Variants in CPEB3 observed in about 807,000 individuals in gnomAD.
CPEB3 encodes the protein cytoplasmic polyadenylation element-binding protein 3.
CPEB3 carries 20 observed loss-of-function variants against 67.2 expected under a neutral mutation model. The observed-to-expected ratio is 0.30, with a 90% CI of 0.21 to 0.43. CPEB3 has a LOEUF of 0.43. CPEB3 is among the 20% of genes least tolerant of loss of function. The pLI, the probability that CPEB3 is intolerant of heterozygous loss-of-function variation, is 1.00. For synonymous variants in CPEB3, 376 were observed against 393.1 expected (o/e 0.96, Z 0.51); for missense variants, 746 against 968.6 (o/e 0.77, Z 3.05).
At position 92,289,812 on chromosome 10, in the gene CPEB3, A is replaced by G. The variant is rs1842750631; in HGVS notation, c.-12+1114T>C. On this transcript the variant is annotated intron_variant, in intron 1 of 9. Transcript: ENST00000265997. ...ATTATATATTATAAATGTATTATAT[A>G]TTATATAATACATATATATTATATA... is the stretch of plus-strand genomic sequence containing the variant. Among the ~76,000 whole-genome samples the G allele has an allele frequency of 2.9e-5, 4 of 139,888 alleles. No individual in the cohort carries two copies. The South Asian group carries it at 8.6e-4, about 30-fold the overall frequency. 91.8% of individuals were successfully genotyped at this position (139,888 alleles called of 152,430 possible). A position where few individuals can be genotyped will look rare whatever the true frequency, so the allele number is the denominator to read the frequency against.
intron 2 of CPEB3, among the ~76,000 whole-genome samples, chr10:92,230,674 A>G (rs1371489857): frequency 6.6e-6 from 1 of 152,204 alleles, no homozygotes; most frequent in Non-Finnish European, 1.5e-5. Context: ...GGGTGTGAAA[A>G]CTAAATGTAG....
At chr10:92,052,531 A>G in intron 9 of CPEB3, 92 bp from the exon 10 acceptor site, 1 of 1,081,654 alleles carries the variant, frequency 9.2e-7, no homozygotes, top group Admixed American at 1.9e-5. Flanking sequence ...GCTTCAACGT[A>G]TGTCTCAATC....
chr10:92,133,468 G>C (rs1401195238), intron 6 of CPEB3, among the ~76,000 whole-genome samples: 1 of 152,170 alleles, frequency 6.6e-6, no homozygotes, highest in African/African-American at 2.4e-5. Flanking sequence ...GACTAAACCA[G>C]GAAGAAGCTG....
Position 92,259,796 on chromosome 10 carries a change from T to G in CPEB3, c.-11-19435A>C, listed in dbSNP as rs1365426299. ...ATCTTGCATAGAGCTTAGTAACAATTGCAGCTAACGTTTATGTGGCAAATA... is the reference window on the plus strand; with the variant it reads ...ATCTTGCATAGAGCTTAGTAACAATGGCAGCTAACGTTTATGTGGCAAATA... On this transcript the variant is annotated intron_variant, in intron 1 of 9. Transcript: ENST00000265997. Among the ~76,000 whole-genome samples the G allele has an allele frequency of 2.0e-5, 3 of 152,198 alleles. No individual in the cohort carries two copies. In the South Asian group the frequency reaches 6.2e-4, roughly 31 times the overall value.
chr10:92,129,756 T>A (rs1845758695), intron 6 of CPEB3, among the ~76,000 whole-genome samples: 1 of 152,048 alleles, frequency 6.6e-6, no homozygotes, highest in South Asian at 2.1e-4. Context: ...CCTCACAACA[T>A]CCCTGTTGCG....
At chr10:92,058,584 C>T (rs1252075707) in intron 9 of CPEB3, among the ~76,000 whole-genome samples, 1 of 122,568 alleles carries the variant, frequency 8.2e-6, no homozygotes, top group Non-Finnish European at 1.8e-5. Context: ...TACATACATA[C>T]ATACATACAT....
chr10:92,129,021 T>C (rs1346925641), intron 6 of CPEB3, among the ~76,000 whole-genome samples: 5 of 152,204 alleles, frequency 3.3e-5, no homozygotes, highest in African/African-American at 1.2e-4. Flanking sequence ...AATCGTTCTA[T>C]CATAAAGACA....
chr10:92,273,535 T>C (rs1853392552), intron 1 of CPEB3, among the ~76,000 whole-genome samples: 1 of 152,168 alleles, frequency 6.6e-6, no homozygotes, highest in South Asian at 2.1e-4. Context: ...ATACCCATTC[T>C]CTAAAAAAGG....
chr10:92,158,684 A>T (rs1032596753), intron 4 of CPEB3, among the ~76,000 whole-genome samples: 4 of 152,220 alleles, frequency 2.6e-5, no homozygotes, highest in African/African-American at 9.6e-5. Flanking sequence ...GGGGAATGTA[A>T]TATCTTTTTG....
intron 4 of CPEB3, among the ~76,000 whole-genome samples, chr10:92,173,241 C>T (rs2134032339): frequency 6.6e-6 from 1 of 152,230 alleles, no homozygotes; most frequent in Admixed American, 6.5e-5. Flanking sequence ...GTGGAGAAAA[C>T]AGGGAAGTCC....
At chr10:92,151,484 C>A (rs55644232) in intron 4 of CPEB3, among the ~76,000 whole-genome samples, 42 of 152,152 alleles carry the variant, frequency 2.8e-4, no homozygotes, top group Non-Finnish European at 5.7e-4. Context: ...AAACATTTCA[C>A]TTATGGTCTC....
chr10:92,078,646 T>G (rs1161736342), intron 9 of CPEB3, among the ~76,000 whole-genome samples: 1 of 152,208 alleles, frequency 6.6e-6, no homozygotes, highest in Non-Finnish European at 1.5e-5. Flanking sequence ...AACCCAATTA[T>G]AGCAAGCAGA....
At chr10:92,144,886 G>C in intron 5 of CPEB3, 59 bp downstream of exon 5, 1 of 1,509,978 alleles carries the variant, frequency 6.6e-7, no homozygotes, top group South Asian at 1.1e-5. Flanking sequence ...GAGAGGCAGG[G>C]TCAGAACACA....
At chr10:92,139,006 G>C (rs559471283) in intron 6 of CPEB3, among the ~76,000 whole-genome samples, 4 of 152,146 alleles carry the variant, frequency 2.6e-5, no homozygotes, top group Non-Finnish European at 5.9e-5. Context: ...GACCAGGCAC[G>C]GTGGCTCACG....
intron 6 of CPEB3, 133 bp from the exon 7 acceptor site, chr10:92,111,327 G>A: frequency 1.4e-6 from 1 of 692,634 alleles, no homozygotes; most frequent in Non-Finnish European, 2.6e-6. Context: ...GGGACAAAGG[G>A]ACTTTGTCCA....
At chr10:92,272,995 A>G (rs1295305422) in intron 1 of CPEB3, among the ~76,000 whole-genome samples, 11 of 152,186 alleles carry the variant, frequency 7.2e-5, no homozygotes, top group Admixed American at 3.9e-4. Flanking sequence ...ATGCTGGTCA[A>G]CTGGACAAGG....
chr10:92,121,020 T>C (rs1845344994), intron 6 of CPEB3, among the ~76,000 whole-genome samples: 1 of 149,352 alleles, frequency 6.7e-6, no homozygotes, highest in African/African-American at 2.5e-5. Context: ...CTTTTTTTTT[T>C]CTTTTTGAGA....
intron 9 of CPEB3, among the ~76,000 whole-genome samples, chr10:92,061,960 G>T (rs967549956): frequency 6.6e-6 from 1 of 152,114 alleles, no homozygotes; most frequent in Non-Finnish European, 1.5e-5. Context: ...ATAAAAATTT[G>T]GCTTGGCACA....
At chr10:92,224,759 T>C (rs1489664544) in intron 2 of CPEB3, among the ~76,000 whole-genome samples, 1 of 151,656 alleles carries the variant, frequency 6.6e-6, no homozygotes, top group African/African-American at 2.4e-5. Context: ...GGCAGGAGGA[T>C]CGCTTGAGTC....
Sources: allele counts gnomAD v4.1 joint callset (sites outside exome capture counted in the v4.1 genomes callset), GRCh38; gene constraint gnomAD v4.1.1; transcripts MANE v1.5; gene names NCBI Gene and HGNC (gene_info 2026-07-23, HGNC 2026-07-21).